The following HFM1 variants were observed in gnomAD, a reference collection of about 807,000 sequenced individuals.
HFM1 encodes the protein helicase for meiosis 1, also known as probable ATP-dependent DNA helicase HFM1.
A neutral mutation model predicts 192.1 loss-of-function variants in HFM1; 169 were observed. The ratio of observed to expected loss-of-function variants is 0.88; its 90% CI spans 0.78 to 1.00. HFM1 has a LOEUF of 1.00. Ranked by LOEUF, HFM1 falls within the 50% of genes least tolerant of loss-of-function variation. The pLI is 0.00. For synonymous variants in HFM1, 525 were observed against 537.8 expected (o/e 0.98, Z 0.33); for missense variants, 1,661 against 1,668.0 (o/e 1.00, Z 0.07).
chr1:91,267,671 T>A lies in HFM1; in HGVS notation c.3883+74A>T, dbSNP rs1665898017. 4.4e-6 allele frequency: 3 copies of A among 688,108 alleles called. No homozygotes were observed. The East Asian group carries it at 8.6e-5, about 20-fold the overall frequency. 42.6% of individuals were successfully genotyped at this position (688,108 alleles called of 1,614,324 possible). On this transcript the variant is annotated intron_variant, in intron 35 of 38. Transcript: ENST00000370425. ...CACACACAACAAAGGCAAAGAAACTTAGTTCCAGGAGCTGAAATGAAAAAT... is the reference window on the plus strand; with the variant it reads ...CACACACAACAAAGGCAAAGAAACTAAGTTCCAGGAGCTGAAATGAAAAAT...
chr1:91,407,033 C>T (rs1489671684), upstream of HFM1, among the ~76,000 whole-genome samples: 2 of 152,158 alleles, frequency 1.3e-5, no homozygotes, highest in Non-Finnish European at 2.9e-5. Context: ...TGTGGTAAAA[C>T]ATGCGTAATA....
At chr1:91,276,519 C>A (rs921971798) in intron 32 of HFM1, 109 bp downstream of exon 32, 43 of 454,764 alleles carry the variant, frequency 9.5e-5, no homozygotes, top group Non-Finnish European at 1.6e-4. Flanking sequence ...TTAGTCAAGC[C>A]CACAAGTAAT....
intron 30 of HFM1, among the ~76,000 whole-genome samples, chr1:91,301,324 G>C (rs1022249016): frequency 6.9e-6 from 1 of 144,848 alleles, no homozygotes; most frequent in African/African-American, 2.6e-5. Flanking sequence ...CTCATGGGTA[G>C]GAAGAATCAA....
chr1:91,277,602 T>A (rs1272899473), intron 30 of HFM1, among the ~76,000 whole-genome samples: 3,785 of 26,826 alleles, frequency 0.14, 515 homozygotes, highest in African/African-American at 0.2. Context: ...TATATATACT[T>A]TATATATATA....
At chr1:91,281,711 C>T (rs1038900859) in intron 30 of HFM1, among the ~76,000 whole-genome samples, 6 of 151,928 alleles carry the variant, frequency 3.9e-5, no homozygotes, top group Non-Finnish European at 7.4e-5. Context: ...ATCATTTTTC[C>T]CTTGGAATTT....
chr1:91,366,834 G>A (rs1659388137), intron 13 of HFM1, among the ~76,000 whole-genome samples: 1 of 152,234 alleles, frequency 6.6e-6, no homozygotes, highest in South Asian at 2.1e-4. Context: ...GAAATGCAAG[G>A]GGTCAGGGAA....
At position 91,394,400 on chromosome 1, in the gene HFM1, G is replaced by C. The variant is rs1663394143; in HGVS notation, c.187C>G (p.Gln63Glu). The C allele has an allele frequency of 6.8e-6, 10 of 1,460,334 alleles. No homozygotes were observed. The highest frequency in any genetic ancestry group is 9.4e-6 in the Non-Finnish European group (10 of 1,061,888). The allele number at this position is 1,460,334 out of a possible 1,614,324, so 90.5% of individuals were successfully genotyped here. Residue 63 changes from glutamine to glutamate, a missense_variant and splice_region_variant, in exon 4 of 39, where the codon CAG becomes GAG. By Grantham distance (29) the Gln-to-Glu change is conservative. Transcript: ENST00000370425. ...EELESHKLLG[Q>E]EKRPKMLTSN... ...GTTAACATTTTTGGCCTCTTTTCCT[G>C]ACCTACAAAAAAGGAATATCTTAAT... is the stretch of plus-strand genomic sequence containing the variant.
intron 8 of HFM1, 97 bp from the exon 9 acceptor site, chr1:91,379,311 C>T (rs1405152291): frequency 1.2e-6 from 1 of 824,876 alleles, no homozygotes; most frequent in Non-Finnish European, 2.0e-6. Flanking sequence ...AAATACACAT[C>T]TACATACTCC....
chr1:91,395,217 C>G lies in HFM1; in HGVS notation c.185-815G>C, dbSNP rs1158014196. 2.0e-5 allele frequency among the ~76,000 whole-genome samples: 3 copies of G among 152,076 alleles called. No homozygotes were observed. In the East Asian group the frequency reaches 5.8e-4, roughly 29 times the overall value. On this transcript the variant is annotated intron_variant, in intron 3 of 38. Transcript: ENST00000370425. ...AATCTTCTGCATCTAGCTTTTTTCA[C>G]TCAATATTTCTGGGATCTGGTTACC...
intron 20 of HFM1, among the ~76,000 whole-genome samples, chr1:91,343,053 C>T (rs1026233660): frequency 6.6e-6 from 1 of 151,680 alleles, no homozygotes; most frequent in Non-Finnish European, 1.5e-5. Context: ...TGGTGAAACC[C>T]CGTCTCTACT....
intron 8 of HFM1, 142 bp from the exon 9 acceptor site, chr1:91,379,356 A>T (rs1321910461): frequency 3.1e-6 from 2 of 647,602 alleles, no homozygotes; most frequent in African/African-American, 3.8e-5. Flanking sequence ...CAATATAGGC[A>T]CATTATTTAC....
At chr1:91,391,730 C>T (rs1027233368) in intron 4 of HFM1, among the ~76,000 whole-genome samples, 2 of 152,168 alleles carry the variant, frequency 1.3e-5, no homozygotes, top group African/African-American at 4.8e-5. Flanking sequence ...GCAACGGCAA[C>T]AAAAGCCAAA....
intron 20 of HFM1, among the ~76,000 whole-genome samples, chr1:91,342,286 C>T (rs911623480): frequency 3.3e-5 from 5 of 151,978 alleles, no homozygotes; most frequent in East Asian, 1.9e-4. Context: ...ATTCAGGACA[C>T]GCTATCCCAA....
At chr1:91,340,431 C>G (rs1655172742) in intron 20 of HFM1, among the ~76,000 whole-genome samples, 2 of 152,156 alleles carry the variant, frequency 1.3e-5, no homozygotes, top group South Asian at 4.1e-4. Context: ...TTGCATCAGA[C>G]CTGTCTTATG....
At chr1:91,308,062 G>A (rs975259546) in intron 30 of HFM1, among the ~76,000 whole-genome samples, 3 of 152,108 alleles carry the variant, frequency 2.0e-5, no homozygotes, top group Non-Finnish European at 4.4e-5. Flanking sequence ...GCTACAATAT[G>A]TCCAGGTGTG....
chr1:91,385,166 T>C (rs1662037543), intron 6 of HFM1, 21 bp downstream of exon 6: 3 of 1,380,068 alleles, frequency 2.2e-6, no homozygotes, highest in South Asian at 2.5e-5. Flanking sequence ...AAGCAGCTAT[T>C]GTAAATAACT....
rs1661480516 is a variant in HFM1 at position 91,380,918 on chromosome 1, A to C, written c.867T>G (p.Phe289Leu). ...AGTAAAATAAAATACTTACATCATCAAAGGCCTTGGACTGTATATAGTTGA... is the reference window on the plus strand; with the variant it reads ...AGTAAAATAAAATACTTACATCATCCAAGGCCTTGGACTGTATATAGTTGA... ...PYFNYIQSKA[F>L]DDLLYTDRNF... is the part of the protein sequence containing the mutation. The change falls in exon 7 of 39, where the codon TTT becomes TTG. Residue 289 changes from phenylalanine to leucine, a missense_variant. Phe to Leu is a conservative substitution (Grantham distance 22, BLOSUM62 0). Coordinates refer to ENST00000370425, the MANE Select transcript of HFM1 (RefSeq NM_001017975.6). 1.5e-6 allele frequency: 2 copies of C among 1,344,438 alleles called. No homozygotes were observed. Among genetic ancestry groups the C allele is most frequent in the African/African-American group, 1.5e-5 (1 of 68,630 alleles). The allele number at this position is 1,344,438 out of a possible 1,614,324, so 83.3% of individuals were successfully genotyped here.
At chr1:91,281,850 C>T (rs1240778404) in intron 30 of HFM1, among the ~76,000 whole-genome samples, 1 of 152,192 alleles carries the variant, frequency 6.6e-6, no homozygotes, top group Non-Finnish European at 1.5e-5. Context: ...TCTCATTCTT[C>T]CAAGTAGCTG....
chr1:91,340,989 G>A (rs1655250956), intron 20 of HFM1, among the ~76,000 whole-genome samples: 1 of 152,008 alleles, frequency 6.6e-6, no homozygotes, highest in Non-Finnish European at 1.5e-5. Flanking sequence ...CCTACACAAT[G>A]TTGGGAGGCT....
Sources: allele counts gnomAD v4.1 joint callset (sites outside exome capture counted in the v4.1 genomes callset), GRCh38; gene constraint gnomAD v4.1.1; transcripts MANE v1.5; gene names NCBI Gene and HGNC (gene_info 2026-07-23, HGNC 2026-07-21).